MACROD2: variants seen among roughly 807,000 people sequenced by gnomAD.
The protein encoded by MACROD2 is mono-ADP ribosylhydrolase 2.
In MACROD2, 36 loss-of-function variants were observed where a neutral mutation model predicts 70.4. The observed-to-expected ratio is 0.51, with a 90% CI of 0.39 to 0.68. MACROD2 has a LOEUF of 0.68. MACROD2 is among the 30% of genes least tolerant of loss of function. The pLI is 0.00. For missense variants in MACROD2, 496 were observed against 538.4 expected (o/e 0.92, Z 0.78); for synonymous variants, 172 against 178.8 (o/e 0.96, Z 0.30).
intron 4 of MACROD2, among the ~76,000 whole-genome samples, chr20:14,625,068 G>A (rs1175244882): frequency 6.6e-6 from 1 of 152,114 alleles, no homozygotes; most frequent in East Asian, 1.9e-4. Flanking sequence ...GGTGGCTCAT[G>A]TCTGTAATCC....
intron 11 of MACROD2, among the ~76,000 whole-genome samples, chr20:15,936,671 G>GTGTGTATATATATATATATATATA (rs1555797416): frequency 2.1e-5 from 3 of 143,266 alleles, no homozygotes; most frequent in African/African-American, 7.8e-5. Flanking sequence ...GTATATGTGT[G>GTGTGTATATATATATATATATATA]TATATATATA....
chr20:14,899,118 C>T (rs2073865421), intron 5 of MACROD2, among the ~76,000 whole-genome samples: 1 of 152,180 alleles, frequency 6.6e-6, no homozygotes, highest in Non-Finnish European at 1.5e-5. Flanking sequence ...TGTTCCTGAA[C>T]TGCACATCTG....
intron 3 of MACROD2, among the ~76,000 whole-genome samples, chr20:14,098,610 A>C (rs1228417820): frequency 6.6e-6 from 1 of 152,162 alleles, no homozygotes; most frequent in Non-Finnish European, 1.5e-5. Flanking sequence ...ACTTATTAGA[A>C]ATGTTTTATT....
chr20:15,252,244 T>C (rs1024758258), intron 6 of MACROD2, among the ~76,000 whole-genome samples: 1 of 152,216 alleles, frequency 6.6e-6, no homozygotes, highest in Non-Finnish European at 1.5e-5. Context: ...ATCTCAAAGT[T>C]TGTTACAAAC....
chr20:15,268,228 A>G (rs1352277860), intron 6 of MACROD2, among the ~76,000 whole-genome samples: 2 of 152,250 alleles, frequency 1.3e-5, no homozygotes, highest in Admixed American at 1.3e-4. Flanking sequence ...AGATTAGTGC[A>G]GGATTTCAGA....
At chr20:14,663,803 A>C (rs1355611558) in intron 4 of MACROD2, among the ~76,000 whole-genome samples, 1 of 152,098 alleles carries the variant, frequency 6.6e-6, no homozygotes, top group Non-Finnish European at 1.5e-5. Flanking sequence ...CATGGCATTT[A>C]GCTTTACAGT....
chr20:14,416,270 A>AT (rs1215133030), intron 3 of MACROD2, among the ~76,000 whole-genome samples: 6 of 151,854 alleles, frequency 4.0e-5, no homozygotes, highest in Non-Finnish European at 8.8e-5. Flanking sequence ...GTTGGCCTCT[A>AT]TTTTTTTAGC....
intron 3 of MACROD2, among the ~76,000 whole-genome samples, chr20:14,146,131 G>T (rs1424070433): frequency 2.0e-5 from 3 of 152,080 alleles, no homozygotes; most frequent in Non-Finnish European, 4.4e-5. Flanking sequence ...GACCATCCTG[G>T]CTAACACGGT....
At chr20:15,083,916 G>A (rs1350934428) in intron 5 of MACROD2, among the ~76,000 whole-genome samples, 1 of 151,778 alleles carries the variant, frequency 6.6e-6, no homozygotes, top group Non-Finnish European at 1.5e-5. Context: ...TTCCCCTGAT[G>A]TCATTTATTT....
rs1174931385 is a variant in MACROD2 at position 14,228,161 on chromosome 20, A to G, written c.271+142433A>G. On this transcript the variant is annotated intron_variant, in intron 3 of 17. Transcript: ENST00000684519. ...AAAAACTATATATATAGTTTTTTCT[A>G]TGTATATATATAGAGAGAGAGAGAG... 1.6e-4 allele frequency among the ~76,000 whole-genome samples: 8 copies of G among 48,498 alleles called. No individual in the cohort carries two copies. The Admixed American group carries it at 2.7e-3, about 16-fold the overall frequency. 31.8% of individuals were successfully genotyped at this position (48,498 alleles called of 152,430 possible). A position where few individuals can be genotyped will look rare whatever the true frequency, so the allele number is the denominator to read the frequency against.
At chr20:14,510,641 TGAA>T (rs773681889) in intron 4 of MACROD2, among the ~76,000 whole-genome samples, 2 of 152,082 alleles carry the variant, frequency 1.3e-5, no homozygotes, top group Non-Finnish European at 2.9e-5. Flanking sequence ...TGGAAGAAGA[TGAA>T]GAAGAAGAGA....
chr20:15,633,822 T>A (rs1413199452), intron 8 of MACROD2, among the ~76,000 whole-genome samples: 1 of 152,234 alleles, frequency 6.6e-6, no homozygotes, highest in East Asian at 1.9e-4. Flanking sequence ...TACATACACA[T>A]GTTTTAGGAG....
At chr20:14,273,965 T>C (rs550761953) in intron 3 of MACROD2, among the ~76,000 whole-genome samples, 16 of 152,274 alleles carry the variant, frequency 1.1e-4, no homozygotes, top group Admixed American at 7.8e-4. Context: ...AATCTCTGAA[T>C]AGACCAATAA....
At chr20:14,502,909 A>G (rs2084929773) in intron 4 of MACROD2, among the ~76,000 whole-genome samples, 1 of 152,214 alleles carries the variant, frequency 6.6e-6, no homozygotes, top group Admixed American at 6.5e-5. Context: ...AGTGGTCATC[A>G]TAAGGAAGCG....
chr20:14,206,776 G>A (rs1438784130), intron 3 of MACROD2, among the ~76,000 whole-genome samples: 2 of 151,662 alleles, frequency 1.3e-5, no homozygotes, highest in African/African-American at 4.8e-5. Flanking sequence ...ATTCTTAATA[G>A]ACTAGCAATA....
At chr20:15,968,394 G>T (rs1239277659) in intron 13 of MACROD2, among the ~76,000 whole-genome samples, 2 of 151,990 alleles carry the variant, frequency 1.3e-5, no homozygotes, top group African/African-American at 2.4e-5. Flanking sequence ...GGAATACAAA[G>T]ATTAAGAAAA....
At chr20:15,017,375 C>T (rs866989249) in intron 5 of MACROD2, among the ~76,000 whole-genome samples, 5 of 152,332 alleles carry the variant, frequency 3.3e-5, no homozygotes, top group African/African-American at 7.2e-5. Context: ...TTCCCAAAGC[C>T]TTGGGCAGCT....
At chr20:15,052,984 C>G (rs4814332) in intron 5 of MACROD2, among the ~76,000 whole-genome samples, 25,822 of 152,150 alleles carry the variant, frequency 0.17, 2,821 homozygotes, top group East Asian at 0.33. Context: ...AAGATCAAAC[C>G]AGGCACATTT....
intron 5 of MACROD2, among the ~76,000 whole-genome samples, chr20:14,930,766 T>TAAAAA (rs11474347): frequency 0.033 from 2,333 of 71,604 alleles, 109 homozygotes; most frequent in Non-Finnish European, 0.045. Context: ...GAGCGTGTCT[T>TAAAAA]AAAAAAAAAA....
Sources: allele counts gnomAD v4.1 joint callset (sites outside exome capture counted in the v4.1 genomes callset), GRCh38; gene constraint gnomAD v4.1.1; transcripts MANE v1.5; gene names NCBI Gene and HGNC (gene_info 2026-07-23, HGNC 2026-07-21).